Variants in PCDH15 observed in about 807,000 individuals in gnomAD.
The protein encoded by PCDH15 is protocadherin related 15, also known as protocadherin-15.
In PCDH15, 129 loss-of-function variants were observed where a neutral mutation model predicts 178.5. The ratio of observed to expected loss-of-function variants is 0.72; its 90% CI spans 0.63 to 0.84. PCDH15 has a LOEUF of 0.84. PCDH15 is among the 40% of genes least tolerant of loss of function. The pLI is 0.00. For missense variants in PCDH15, 2,230 were observed against 2,099.9 expected (o/e 1.06, Z -1.21); for synonymous variants, 800 against 732.0 (o/e 1.09, Z -1.50).
At chr10:54,232,842 A>C (rs2054211755) in intron 9 of PCDH15, among the ~76,000 whole-genome samples, 1 of 149,054 alleles carries the variant, frequency 6.7e-6, no homozygotes, top group Non-Finnish European at 1.5e-5. Context: ...TTCATTTATT[A>C]TCTCTACTGA....
chr10:54,784,915 C>G, intron 1 of PCDH15, among the ~76,000 whole-genome samples: 1 of 151,896 alleles, frequency 6.6e-6, no homozygotes, highest in East Asian at 1.9e-4. Context: ...TGACTTCACC[C>G]AGCTCCCAAC....
At chr10:53,822,139 T>C (rs1366392324) in intron 32 of PCDH15, 1 of 1,614,106 alleles carries the variant, frequency 6.2e-7, no homozygotes, top group Non-Finnish European at 8.5e-7. Context: ...GATAGCTGTG[T>C]CATAGAGGAC....
At chr10:55,440,143 G>A (rs1839145245) in intron 2 of PCDH15, among the ~76,000 whole-genome samples, 1 of 152,220 alleles carries the variant, frequency 6.6e-6, no homozygotes, top group African/African-American at 2.4e-5. Flanking sequence ...TAAGACAAAT[G>A]TGAACAAAAA....
intron 25 of PCDH15, among the ~76,000 whole-genome samples, chr10:53,904,468 C>CTTTTTTTT (rs10659966): frequency 1.4e-5 from 2 of 144,076 alleles, no homozygotes; most frequent in Non-Finnish European, 1.5e-5. Flanking sequence ...TAGAAATAGT[C>CTTTTTTTT]TTTTTTTTTT....
chr10:53,825,389 T>G (rs911950974), intron 32 of PCDH15, among the ~76,000 whole-genome samples: 2 of 134,330 alleles, frequency 1.5e-5, no homozygotes, highest in African/African-American at 6.7e-5. Context: ...TAATAAAGTC[T>G]GTTTACTATA....
chr10:54,152,783 A>G (rs775763308), intron 14 of PCDH15, among the ~76,000 whole-genome samples: 7 of 151,968 alleles, frequency 4.6e-5, no homozygotes, highest in African/African-American at 7.3e-5. Flanking sequence ...TTACCTATAC[A>G]CTCAGAAGTG....
At chr10:54,893,720 C>T (rs900165626) in intron 3 of PCDH15, among the ~76,000 whole-genome samples, 1 of 151,962 alleles carries the variant, frequency 6.6e-6, no homozygotes, top group East Asian at 1.9e-4. Flanking sequence ...GTAATAATTT[C>T]CCAGATTACA....
At chr10:54,351,978 G>A (rs1461761984) in intron 5 of PCDH15, among the ~76,000 whole-genome samples, 1 of 151,968 alleles carries the variant, frequency 6.6e-6, no homozygotes, top group Non-Finnish European at 1.5e-5. Context: ...ATATTGAGAA[G>A]GATATGTGGT....
chr10:54,684,054 G>A (rs117314337), intron 1 of PCDH15, among the ~76,000 whole-genome samples: 3,325 of 152,088 alleles, frequency 0.022, 68 homozygotes, highest in Middle Eastern at 0.038. Context: ...TTATACCTAA[G>A]ATGAGACTCA....
chr10:55,267,308 T>C (rs757587355), intron 1 of PCDH15, among the ~76,000 whole-genome samples: 1 of 152,234 alleles, frequency 6.6e-6, no homozygotes, highest in Non-Finnish European at 1.5e-5. Context: ...CCTCTAAAGA[T>C]GAATCCTTAG....
At chr10:54,128,346 A>G (rs968447579) in intron 15 of PCDH15, among the ~76,000 whole-genome samples, 11 of 152,194 alleles carry the variant, frequency 7.2e-5, no homozygotes, top group Admixed American at 4.6e-4. Flanking sequence ...TTACGGATCC[A>G]GGCAGGACTG....
chr10:54,478,010 A>C (rs959383478), intron 3 of PCDH15, among the ~76,000 whole-genome samples: 1 of 152,144 alleles, frequency 6.6e-6, no homozygotes, highest in African/African-American at 2.4e-5. Context: ...TATATTTTTA[A>C]ATGTTTATAT....
chr10:55,144,618 T>C (rs1283033752), intron 2 of PCDH15, among the ~76,000 whole-genome samples: 1 of 152,082 alleles, frequency 6.6e-6, no homozygotes, highest in Non-Finnish European at 1.5e-5. Context: ...AGGGTTAAGA[T>C]TGTGTAATAC....
At chr10:55,539,118 T>G (rs1454619955) in intron 2 of PCDH15, among the ~76,000 whole-genome samples, 6 of 151,154 alleles carry the variant, frequency 4.0e-5, no homozygotes, top group African/African-American at 1.5e-4. Context: ...CTTCTTCTAA[T>G]GTGTGTACTA....
Position 53,996,748 on chromosome 10 carries a change from CAG to C in PCDH15, c.2752-985_2752-984del, listed in dbSNP as rs1219735808. Among the ~76,000 whole-genome samples, 5 of 152,138 alleles carry C rather than the reference CAG, an allele frequency of 3.3e-5. No homozygotes were observed. The East Asian group carries it at 9.6e-4, about 29-fold the overall frequency. On this transcript the variant is annotated intron_variant, in intron 20 of 37. Coordinates refer to ENST00000644397, the MANE Select transcript of PCDH15 (RefSeq NM_001384140.1). Reference sequence around the variant, plus strand: ...CAATAAATAATGCTTATTCATATGGCAGATTTATTTATTTATAATATTTTAAT... The same window carrying C: ...CAATAAATAATGCTTATTCATATGGCATTTATTTATTTATAATATTTTAAT...
intron 2 of PCDH15, among the ~76,000 whole-genome samples, chr10:55,422,559 T>C (rs952562963): frequency 1.3e-5 from 2 of 151,852 alleles, no homozygotes; most frequent in Admixed American, 6.6e-5. Flanking sequence ...GCAGAACATG[T>C]CTCATAACTA....
chr10:54,259,216 T>G (rs1464088861), intron 8 of PCDH15, among the ~76,000 whole-genome samples: 2 of 152,202 alleles, frequency 1.3e-5, no homozygotes, highest in Admixed American at 6.5e-5. Context: ...AGCCACAGCC[T>G]TGAAAAGAAA....
chr10:55,118,433 C>T (rs376605376), intron 2 of PCDH15, among the ~76,000 whole-genome samples: 1 of 152,138 alleles, frequency 6.6e-6, no homozygotes, highest in African/African-American at 2.4e-5. Flanking sequence ...GAAGACTGGA[C>T]TATGACATTC....
At chr10:53,934,909 A>G (rs1001896350) in intron 25 of PCDH15, among the ~76,000 whole-genome samples, 3 of 151,844 alleles carry the variant, frequency 2.0e-5, no homozygotes, top group Non-Finnish European at 2.9e-5. Flanking sequence ...TGTGGCCAGT[A>G]ACACCAGAAT....
Sources: allele counts gnomAD v4.1 joint callset (sites outside exome capture counted in the v4.1 genomes callset), GRCh38; gene constraint gnomAD v4.1.1; transcripts MANE v1.5; gene names NCBI Gene and HGNC (gene_info 2026-07-23, HGNC 2026-07-21).